The following NTM variants were observed in gnomAD, a reference collection of about 807,000 sequenced individuals.
NTM encodes neurotrimin.
A neutral mutation model predicts 42.1 loss-of-function variants in NTM; 13 were observed. The observed-to-expected ratio is 0.31, with a 90% CI of 0.20 to 0.49. The LOEUF is 0.49. Among genes scored for constraint, NTM ranks in the 20% least tolerant of loss-of-function variants. The probability of loss-of-function intolerance (pLI) is 0.99; values close to 1 mark genes in which losing one functional copy is unlikely to be tolerated. For missense variants in NTM, 373 were observed against 452.8 expected, an observed-to-expected ratio of 0.82 and a Z score of 1.60; for synonymous variants, 187 against 179.2, an observed-to-expected ratio of 1.04 and a Z score of -0.35.
intron 1 of NTM, among the ~76,000 whole-genome samples, chr11:131,885,381 C>T (rs1299886889): frequency 3.9e-5 from 6 of 152,184 alleles, no homozygotes; most frequent in South Asian, 4.1e-4. Flanking sequence ...TACACAACTG[C>T]GGGCAGGTGG....
chr11:131,974,497 T>A (rs1291124723), intron 2 of NTM, among the ~76,000 whole-genome samples: 2 of 152,234 alleles, frequency 1.3e-5, no homozygotes, highest in Admixed American at 1.3e-4. Context: ...TTTGCTCTCA[T>A]GTTAATGAGT....
At chr11:132,218,214 A>G (rs1199592195) in intron 4 of NTM, among the ~76,000 whole-genome samples, 8 of 152,172 alleles carry the variant, frequency 5.3e-5, no homozygotes, top group Non-Finnish European at 1.2e-4. Flanking sequence ...AGAGGGCAAA[A>G]TGGAACTAAA....
chr11:132,186,184 T>G (rs2078363191), intron 3 of NTM, among the ~76,000 whole-genome samples: 1 of 152,200 alleles, frequency 6.6e-6, no homozygotes, highest in Non-Finnish European at 1.5e-5. Flanking sequence ...ACTGAGCCAC[T>G]GCGGTGGCTC....
chr11:131,784,937 G>A (rs769435713), intron 1 of NTM, among the ~76,000 whole-genome samples: 1 of 152,012 alleles, frequency 6.6e-6, no homozygotes, highest in African/African-American at 2.4e-5. Context: ...AAGACCCCAC[G>A]TAAGCACTCT....
At chr11:131,708,909 G>A (rs1163953301) in intron 1 of NTM, among the ~76,000 whole-genome samples, 2 of 152,156 alleles carry the variant, frequency 1.3e-5, no homozygotes, top group South Asian at 4.1e-4. Flanking sequence ...TAGGTGATGG[G>A]GCAGATCAGG....
chr11:131,574,155 G>C (rs2057716392), intron 1 of NTM, among the ~76,000 whole-genome samples: 1 of 152,114 alleles, frequency 6.6e-6, no homozygotes, highest in African/African-American at 2.4e-5. Flanking sequence ...GAGAGTCAAG[G>C]CTGGCTCGGC....
intron 1 of NTM, among the ~76,000 whole-genome samples, chr11:131,714,282 G>A (rs550667477): frequency 6.6e-6 from 1 of 152,154 alleles, no homozygotes; most frequent in South Asian, 2.1e-4. Flanking sequence ...TCCACCTCCA[G>A]GGTTCAAGCG....
At chr11:132,058,730 G>C (rs560552727) in intron 2 of NTM, among the ~76,000 whole-genome samples, 5 of 152,170 alleles carry the variant, frequency 3.3e-5, no homozygotes, top group Non-Finnish European at 7.3e-5. Flanking sequence ...TGCCTTCTTC[G>C]CTGAGTCTGA....
At chr11:131,423,320 A>T (rs1591625484) in intron 1 of NTM, among the ~76,000 whole-genome samples, 1 of 152,270 alleles carries the variant, frequency 6.6e-6, no homozygotes, top group Non-Finnish European at 1.5e-5. Flanking sequence ...CTGATAGGGG[A>T]TTTAAATTCA....
intron 7 of NTM, among the ~76,000 whole-genome samples, chr11:132,320,127 A>G (rs2095527229): frequency 6.6e-6 from 1 of 152,236 alleles, no homozygotes; most frequent in African/African-American, 2.4e-5. Context: ...CATCACCATC[A>G]TCAAAGACCA....
At chr11:131,996,725 A>G (rs767229280) in intron 2 of NTM, among the ~76,000 whole-genome samples, 5 of 152,156 alleles carry the variant, frequency 3.3e-5, no homozygotes, top group Non-Finnish European at 7.3e-5. Flanking sequence ...AGGTTCCTGG[A>G]AGCATGAGTG....
chr11:132,312,841 G>A (rs1342946587), intron 6 of NTM: 2 of 154,190 alleles, frequency 1.3e-5, no homozygotes, highest in Non-Finnish European at 2.9e-5. Context: ...AGCTGGAAAT[G>A]TAAAAGTGGC....
chr11:131,721,900 G>C (rs2078379147), intron 1 of NTM, among the ~76,000 whole-genome samples: 1 of 149,434 alleles, frequency 6.7e-6, no homozygotes. Context: ...TTGAGAGACT[G>C]AGGCAGGAGA....
Position 131,952,766 on chromosome 11 carries a change from A to G in NTM, c.167+41118A>G, listed in dbSNP as rs116527611. On this transcript the variant is annotated intron_variant, in intron 2 of 8. Transcript: ENST00000683400. ...TTATTACTCCAACACAAAGATACCT[A>G]TTACAATGGTTATGCTTTATAAATA... 5.8e-3 allele frequency among the ~76,000 whole-genome samples: 891 copies of G among 152,338 alleles called. 8 individuals are homozygous for G. The highest frequency in any genetic ancestry group is 0.021 in the African/African-American group (856 of 41,574).
chr11:131,598,755 C>CTTTCTTTCT (rs201769252), intron 1 of NTM, among the ~76,000 whole-genome samples: 1 of 31,098 alleles, frequency 3.2e-5, no homozygotes, highest in African/African-American at 9.7e-5. Flanking sequence ...TTCTTTCTTT[C>CTTTCTTTCT]TTCTTTCTTT....
intron 1 of NTM, among the ~76,000 whole-genome samples, chr11:131,742,653 C>CT (rs1348207945): frequency 6.6e-6 from 1 of 152,050 alleles, no homozygotes; most frequent in Admixed American, 6.5e-5. Flanking sequence ...CATTTAATGT[C>CT]TTTTTATTTA....
intron 1 of NTM, among the ~76,000 whole-genome samples, chr11:131,742,240 AT>A (rs1291474111): frequency 3.9e-5 from 6 of 152,344 alleles, no homozygotes; most frequent in Admixed American, 3.9e-4. Flanking sequence ...AAGATAAAAA[AT>A]AAAAGAATAC....
chr11:132,016,727 T>G (rs1009338993), intron 2 of NTM, among the ~76,000 whole-genome samples: 4 of 152,020 alleles, frequency 2.6e-5, no homozygotes, highest in African/African-American at 9.7e-5. Flanking sequence ...CAACCTTTTT[T>G]CCAAAGTGGT....
chr11:131,841,269 G>A (rs530143695), intron 1 of NTM, among the ~76,000 whole-genome samples: 9 of 152,278 alleles, frequency 5.9e-5, no homozygotes, highest in Admixed American at 3.3e-4. Flanking sequence ...AAGTGTTGTT[G>A]CCAAATATAG....
Sources: allele counts gnomAD v4.1 joint callset (sites outside exome capture counted in the v4.1 genomes callset), GRCh38; gene constraint gnomAD v4.1.1; transcripts MANE v1.5; gene names NCBI Gene and HGNC (gene_info 2026-07-23, HGNC 2026-07-21).